PLEKHA7: variants seen among roughly 807,000 people sequenced by gnomAD.
The protein encoded by PLEKHA7 is pleckstrin homology domain containing A7, also known as pleckstrin homology domain-containing family A member 7.
Under a neutral mutation model 170.0 loss-of-function variants are expected in PLEKHA7, and 104 were observed. That is an observed-to-expected ratio of 0.61 (90% CI 0.52 to 0.72). PLEKHA7 has a LOEUF of 0.72. Among genes scored for constraint, PLEKHA7 ranks in the 30% least tolerant of loss-of-function variants. The probability of loss-of-function intolerance (pLI) is 0.00; values close to 1 mark genes in which losing one functional copy is unlikely to be tolerated. For synonymous variants in PLEKHA7, 648 were observed against 660.8 expected (o/e 0.98, Z 0.30); for missense variants, 1,615 against 1,671.7 (o/e 0.97, Z 0.59).
At chr11:16,794,009 A>G (rs1848037370) in intron 19 of PLEKHA7, among the ~76,000 whole-genome samples, 1 of 152,182 alleles carries the variant, frequency 6.6e-6, no homozygotes, top group East Asian at 1.9e-4. Context: ...CTGCGAGGTT[A>G]TTTTAAAGAT....
chr11:16,786,818 CAAG>C (rs1849429436), intron 23 of PLEKHA7: 1 of 985,332 alleles, frequency 1.0e-6, no homozygotes, highest in East Asian at 1.1e-4. Context: ...CCCTGCTAAG[CAAG>C]AAGAATAACC....
At chr11:16,922,961 G>A (rs1215671056) in intron 3 of PLEKHA7, among the ~76,000 whole-genome samples, 1 of 152,126 alleles carries the variant, frequency 6.6e-6, no homozygotes, top group Non-Finnish European at 1.5e-5. Flanking sequence ...AGACACATGG[G>A]GAATTTCCAA....
intron 4 of PLEKHA7, 30 bp downstream of exon 4, chr11:16,871,069 C>A: frequency 6.6e-7 from 1 of 1,515,576 alleles, no homozygotes; most frequent in South Asian, 1.1e-5. Flanking sequence ...ATACTCTGCC[C>A]AGATAAGGAG....
intron 3 of PLEKHA7, among the ~76,000 whole-genome samples, chr11:16,919,750 T>A (rs1464358002): frequency 2.0e-5 from 3 of 151,928 alleles, no homozygotes. Context: ...ATACTCAGAT[T>A]TATTATCAAA....
intron 3 of PLEKHA7, among the ~76,000 whole-genome samples, chr11:16,897,627 G>A (rs985036742): frequency 1.3e-5 from 2 of 152,168 alleles, no homozygotes; most frequent in Admixed American, 6.5e-5. Flanking sequence ...GAGGAGGCCT[G>A]CAAGCTATCC....
intron 3 of PLEKHA7, among the ~76,000 whole-genome samples, chr11:16,956,533 C>T (rs1205379939): frequency 6.6e-6 from 1 of 152,346 alleles, no homozygotes; most frequent in South Asian, 2.1e-4. Flanking sequence ...GCTCTCTCTA[C>T]TGATTAACAG....
intron 3 of PLEKHA7, among the ~76,000 whole-genome samples, chr11:16,954,412 T>A (rs747173723): frequency 6.6e-6 from 1 of 151,958 alleles, no homozygotes; most frequent in African/African-American, 2.4e-5. Flanking sequence ...TGCACACCTA[T>A]AGTCTCAGTT....
chr11:16,856,340 T>C (rs1243493851), intron 4 of PLEKHA7, among the ~76,000 whole-genome samples: 1 of 152,102 alleles, frequency 6.6e-6, no homozygotes, highest in Non-Finnish European at 1.5e-5. Flanking sequence ...TGTTTATAAT[T>C]AGTAACAAGA....
chr11:16,992,543 G>T (rs1472941516), intron 3 of PLEKHA7, among the ~76,000 whole-genome samples: 1 of 152,148 alleles, frequency 6.6e-6, no homozygotes, highest in East Asian at 1.9e-4. Context: ...ATCACTTGAG[G>T]TCAGCAGTTC....
chr11:16,958,308 C>A (rs1861833936), intron 3 of PLEKHA7, among the ~76,000 whole-genome samples: 1 of 152,120 alleles, frequency 6.6e-6, no homozygotes, highest in Non-Finnish European at 1.5e-5. Flanking sequence ...CAGAGCAAGA[C>A]TCTGTCTCAA....
At position 16,804,613 on chromosome 11, in the gene PLEKHA7, C is replaced by CGGG. The variant is rs1848819929; in HGVS notation, c.2008-1319_2008-1318insCCC. Among the ~76,000 whole-genome samples the CGGG allele has an allele frequency of 2.0e-5, 3 of 152,326 alleles. No homozygotes were observed. The South Asian group carries it at 6.2e-4, about 32-fold the overall frequency. Reference sequence around the variant, plus strand: ...CATTCCCACGATCCCTTTGGTCACACAGAAGAGGACGGAACCATTGTTTTA... The same window carrying CGGG: ...CATTCCCACGATCCCTTTGGTCACACGGGAGAAGAGGACGGAACCATTGTTTTA... On this transcript the variant is annotated intron_variant, in intron 13 of 26. Transcript: ENST00000531066.
chr11:16,961,850 TCACCTGTAAATTAGGATCAGTAC>T (rs1384369880), intron 3 of PLEKHA7, among the ~76,000 whole-genome samples: 4 of 152,230 alleles, frequency 2.6e-5, no homozygotes, highest in African/African-American at 9.6e-5. Flanking sequence ...TTCAGTTTTC[TCACCTGTAAATTAGGATCAGTAC>T]CACCTGCCTC....
intron 10 of PLEKHA7, among the ~76,000 whole-genome samples, 178 bp downstream of exon 10, chr11:16,825,936 CTCAGTT>C (rs1259252319): frequency 6.6e-6 from 1 of 152,192 alleles, no homozygotes; most frequent in Admixed American, 6.5e-5. Context: ...TTCTCCAAGC[CTCAGTT>C]TCTGTCTATA....
At chr11:16,902,749 T>C (rs1455366724) in intron 3 of PLEKHA7, among the ~76,000 whole-genome samples, 1 of 152,246 alleles carries the variant, frequency 6.6e-6, no homozygotes, top group Non-Finnish European at 1.5e-5. Flanking sequence ...ATTTAACTTT[T>C]ATTAGCTTCA....
chr11:16,936,525 C>T (rs756160480), intron 3 of PLEKHA7, among the ~76,000 whole-genome samples: 6 of 151,854 alleles, frequency 4.0e-5, no homozygotes, highest in Non-Finnish European at 8.8e-5. Context: ...TACTTCCTGG[C>T]ATGTTGTCAT....
chr11:17,010,523 T>G (rs531802855), intron 3 of PLEKHA7, among the ~76,000 whole-genome samples: 243 of 152,324 alleles, frequency 1.6e-3, no homozygotes, highest in African/African-American at 5.6e-3. Flanking sequence ...AGAGGATCAC[T>G]TGGCCCCAGG....
At chr11:16,936,398 T>C (rs1233490104) in intron 3 of PLEKHA7, among the ~76,000 whole-genome samples, 4 of 16,980 alleles carry the variant, frequency 2.4e-4, no homozygotes, top group Non-Finnish European at 3.1e-4. Context: ...TGAGACTCTG[T>C]CTCAAAAAAA....
chr11:16,821,945 G>C (rs1463474021), intron 10 of PLEKHA7, among the ~76,000 whole-genome samples: 1 of 151,350 alleles, frequency 6.6e-6, no homozygotes, highest in African/African-American at 2.4e-5. Context: ...CCAATGAGCT[G>C]TTCTCCTCTA....
rs373121493 is a variant in PLEKHA7, at chr11:16,999,061, CTG to C, written c.221+14926_221+14927del. Among the ~76,000 whole-genome samples the C allele has an allele frequency of 1.5e-4, 23 of 152,262 alleles. No homozygotes were observed. In the South Asian group the frequency reaches 4.8e-3, roughly 32 times the overall value. On this transcript the variant is annotated intron_variant, in intron 3 of 26. Coordinates refer to ENST00000531066, the MANE Select transcript of PLEKHA7 (RefSeq NM_001329630.2). ...CAACACACACCTATTTGGCTGAGCA[CTG>C]TCTCTGTGCCTGACACTGTCCCCAG...
Sources: allele counts gnomAD v4.1 joint callset (sites outside exome capture counted in the v4.1 genomes callset), GRCh38; gene constraint gnomAD v4.1.1; transcripts MANE v1.5; gene names NCBI Gene and HGNC (gene_info 2026-07-23, HGNC 2026-07-21).